Variants in TMEM170B observed in about 807,000 individuals in gnomAD.
TMEM170B encodes transmembrane protein 170B.
In TMEM170B, 6 loss-of-function variants were observed where a neutral mutation model predicts 13.0. The observed-to-expected ratio is 0.46, with a 90% CI of 0.25 to 0.91. The LOEUF (loss-of-function observed/expected upper bound fraction) is 0.91. TMEM170B is among the 40% of genes least tolerant of loss of function. The pLI, the probability that TMEM170B is intolerant of heterozygous loss-of-function variation, is 0.17. For synonymous variants in TMEM170B, 61 were observed against 64.9 expected (o/e 0.94, Z 0.29); for missense variants, 138 against 165.2 (o/e 0.84, Z 0.90).
At chr6:11,564,832 A>G (rs1372206629) in intron 1 of TMEM170B, among the ~76,000 whole-genome samples, 1 of 152,182 alleles carries the variant, frequency 6.6e-6, no homozygotes, top group Non-Finnish European at 1.5e-5. Context: ...GTTGGTCCCA[A>G]TCCAGAAGTC....
chr6:11,555,354 T>C (rs1365714889), intron 1 of TMEM170B, among the ~76,000 whole-genome samples: 1 of 152,216 alleles, frequency 6.6e-6, no homozygotes, highest in Non-Finnish European at 1.5e-5. Flanking sequence ...TTCACTATGA[T>C]GTGTCTAGGT....
chr6:11,564,391 G>A (rs1759708687), intron 1 of TMEM170B, among the ~76,000 whole-genome samples: 1 of 152,152 alleles, frequency 6.6e-6, no homozygotes, highest in South Asian at 2.1e-4. Flanking sequence ...GGATACATAG[G>A]TTTTGATTCA....
At chr6:11,541,665 A>G (rs943040921) in intron 1 of TMEM170B, among the ~76,000 whole-genome samples, 1 of 152,134 alleles carries the variant, frequency 6.6e-6, no homozygotes, top group East Asian at 1.9e-4. Flanking sequence ...TTTTCTTTGC[A>G]TTTGCAACTT....
At position 11,565,725 on chromosome 6, in the gene TMEM170B, G is replaced by T; in HGVS notation, c.157G>T (p.Ala53Ser). The change falls in exon 2 of 3, where the codon GCA becomes TCA. Residue 53 changes from alanine (A) to serine (S), a missense_variant. Transcript: ENST00000379426. ...LFSSLFVHGA[A>S]GVLMFVMLQR... ...CTCTTCTCTGTTTGTCCATGGTGCT[G>T]CAGGAGTGTTGATGTTTGTGATGCT... 6.2e-7 allele frequency: 1 copy of T among 1,614,176 alleles called. No individual in the cohort carries two copies.
In TMEM170B at chr6:11,538,480, C is replaced by G. The variant is rs943954128; in HGVS notation, c.97+106C>G. The G allele has an allele frequency of 1.2e-5, 10 of 854,740 alleles. No individual in the cohort carries two copies. The African/African-American group carries it at 1.7e-4, about 14-fold the overall frequency. 52.9% of individuals were successfully genotyped at this position (854,740 alleles called of 1,614,324 possible). On this transcript the variant is annotated intron_variant, in intron 1 of 2. Transcript: ENST00000379426. ...CCTCGCCGCCCCACCCCCGTGCGCG[C>G]CCCGCTCGGAGCTCCAGGTCCCGGC...
rs1269440224 is a variant in TMEM170B, at chr6:11,576,473, T to A, written c.*912T>A. 1.3e-5 allele frequency: 2 copies of A among 152,208 alleles called. No homozygotes were observed. Among genetic ancestry groups the A allele is most frequent in the East Asian group, 3.8e-4 (2 of 5,200 alleles). The allele number at this position is 152,208 out of a possible 1,614,324, so 9.4% of individuals were successfully genotyped here. A position where few individuals can be genotyped will look rare whatever the true frequency, so the allele number is the denominator to read the frequency against. The stretch of plus-strand genomic sequence containing the variant: ...TGCCTTGTATCTCATGGACAAAACA[T>A]CTTTATAACTAGTATCTCAGTGGGA... On this transcript the variant is annotated 3_prime_UTR_variant, in exon 3 of 3. Coordinates refer to ENST00000379426, the MANE Select transcript of TMEM170B (RefSeq NM_001100829.3).
intron 2 of TMEM170B, among the ~76,000 whole-genome samples, chr6:11,568,174 G>C (rs1317059090): frequency 6.6e-6 from 1 of 152,180 alleles, no homozygotes; most frequent in Non-Finnish European, 1.5e-5. Flanking sequence ...GAGGAATTAA[G>C]AGGCATTAAC....
At chr6:11,540,168 T>G (rs1184693180) in intron 1 of TMEM170B, among the ~76,000 whole-genome samples, 1 of 152,192 alleles carries the variant, frequency 6.6e-6, no homozygotes, top group Non-Finnish European at 1.5e-5. Context: ...TGCTGGAGAT[T>G]GGGATGATGG....
intron 2 of TMEM170B, among the ~76,000 whole-genome samples, chr6:11,574,016 C>G (rs1759840287): frequency 6.6e-6 from 1 of 152,010 alleles, no homozygotes; most frequent in Non-Finnish European, 1.5e-5. Flanking sequence ...ATTCTTCGTT[C>G]TCATTTTCAC....
intron 2 of TMEM170B, 44 bp downstream of exon 2, chr6:11,565,880 C>G (rs780900716): frequency 7.0e-5 from 111 of 1,587,744 alleles, no homozygotes; most frequent in African/African-American, 1.3e-5. Flanking sequence ...TTTGTATACA[C>G]TTACCATTTT....
In TMEM170B at chr6:11,564,470, A is replaced by G. The variant is rs372967675; in HGVS notation, c.98-1196A>G. Among the ~76,000 whole-genome samples the G allele has an allele frequency of 4.6e-5, 7 of 152,366 alleles. No homozygotes were observed. In the East Asian group the frequency reaches 1.2e-3, roughly 25 times the overall value. On this transcript the variant is annotated intron_variant, in intron 1 of 2. Coordinates refer to ENST00000379426, the MANE Select transcript of TMEM170B (RefSeq NM_001100829.3). ...ACAATTGATAGTGACTACCTAGCCC[A>G]AATCACAGATGAGATACTTTGTATT... is the stretch of plus-strand genomic sequence containing the variant.
At chr6:11,547,046 C>T (rs994759589) in intron 1 of TMEM170B, among the ~76,000 whole-genome samples, 5 of 152,044 alleles carry the variant, frequency 3.3e-5, no homozygotes, top group Non-Finnish European at 4.4e-5. Flanking sequence ...AGACAATATT[C>T]GATAGTGGGT....
At chr6:11,560,579 T>TC (rs1759650190) in intron 1 of TMEM170B, among the ~76,000 whole-genome samples, 1 of 42,842 alleles carries the variant, frequency 2.3e-5, no homozygotes, top group African/African-American at 7.1e-5. Flanking sequence ...GACTGCTATC[T>TC]CTTAAAAAAA....
chr6:11,543,135 G>A (rs530648211), intron 1 of TMEM170B, among the ~76,000 whole-genome samples: 67 of 152,124 alleles, frequency 4.4e-4, no homozygotes, highest in Non-Finnish European at 6.2e-4. Flanking sequence ...TTTCAATTAC[G>A]TTATAATTTG....
At chr6:11,569,176 A>G (rs1759769522) in intron 2 of TMEM170B, among the ~76,000 whole-genome samples, 1 of 151,924 alleles carries the variant, frequency 6.6e-6, no homozygotes, top group African/African-American at 2.4e-5. Flanking sequence ...TAGGTTACAG[A>G]TATTTTTATA....
rs574382464 is a variant in TMEM170B, at chr6:11,576,243, T to A, written c.*682T>A. 6.6e-6 allele frequency: 1 copy of A among 152,206 alleles called. No homozygotes were observed. The highest frequency in any genetic ancestry group is 2.4e-5 in the African/African-American group (1 of 41,462). The allele number at this position is 152,206 out of a possible 1,614,324, so 9.4% of individuals were successfully genotyped here. ...GAGTAGCTCTATAGGGTGCATACTTTTCACCAACTTAAGTAACACCCTTTT... is the reference window on the plus strand; with the variant it reads ...GAGTAGCTCTATAGGGTGCATACTTATCACCAACTTAAGTAACACCCTTTT... On this transcript the variant is annotated 3_prime_UTR_variant, in exon 3 of 3. Coordinates refer to ENST00000379426, the MANE Select transcript of TMEM170B (RefSeq NM_001100829.3).
intron 2 of TMEM170B, among the ~76,000 whole-genome samples, chr6:11,574,818 T>C (rs1360912007): frequency 6.6e-6 from 1 of 152,162 alleles, no homozygotes; most frequent in Non-Finnish European, 1.5e-5. Flanking sequence ...AGGTTCATTT[T>C]CCATTCTTAT....
At chr6:11,557,227 A>G (rs1759602702) in intron 1 of TMEM170B, among the ~76,000 whole-genome samples, 1 of 152,204 alleles carries the variant, frequency 6.6e-6, no homozygotes, top group African/African-American at 2.4e-5. Flanking sequence ...AAAAGTTACG[A>G]TTGTATAATT....
chr6:11,558,972 A>G (rs1759625026), intron 1 of TMEM170B, among the ~76,000 whole-genome samples: 1 of 152,084 alleles, frequency 6.6e-6, no homozygotes, highest in Admixed American at 6.5e-5. Flanking sequence ...ATAGTATTTT[A>G]TTTTACTTAA....
Sources: allele counts gnomAD v4.1 joint callset (sites outside exome capture counted in the v4.1 genomes callset), GRCh38; gene constraint gnomAD v4.1.1; transcripts MANE v1.5; gene names NCBI Gene and HGNC (gene_info 2026-07-23, HGNC 2026-07-21).